PDZD2: variants seen among roughly 807,000 people sequenced by gnomAD.
The protein encoded by PDZD2 is PDZ domain-containing protein 2.
In PDZD2, 90 loss-of-function variants were observed where a neutral mutation model predicts 220.7. That is an observed-to-expected ratio of 0.41 (90% CI 0.34 to 0.49). The LOEUF (loss-of-function observed/expected upper bound fraction) is 0.49, where lower values mean the gene tolerates loss of function less well. Ranked by LOEUF, PDZD2 falls within the 20% of genes least tolerant of loss-of-function variation. PDZD2 has a pLI of 0.28. For synonymous variants in PDZD2, 1,375 were observed against 1,450.5 expected (o/e 0.95, Z 1.18); for missense variants, 3,174 against 3,608.5 (o/e 0.88, Z 3.08).
chr5:31,825,593 T>A (rs774006081), intron 2 of PDZD2, among the ~76,000 whole-genome samples: 70 of 152,208 alleles, frequency 4.6e-4, no homozygotes, highest in Non-Finnish European at 7.5e-4. Flanking sequence ...TGACTCCACA[T>A]CAATGTACAA....
intron 1 of PDZD2, among the ~76,000 whole-genome samples, chr5:31,734,016 C>T (rs1011641222): frequency 4.6e-5 from 7 of 152,294 alleles, no homozygotes; most frequent in African/African-American, 1.4e-4. Context: ...CCCAGGTTTT[C>T]GCCAGTACTT....
At chr5:32,015,010 C>T (rs1475997519) in intron 6 of PDZD2, among the ~76,000 whole-genome samples, 1 of 143,258 alleles carries the variant, frequency 7.0e-6, no homozygotes, top group African/African-American at 2.6e-5. Flanking sequence ...GGCGCAATCT[C>T]GGTTCACTGC....
intron 1 of PDZD2, among the ~76,000 whole-genome samples, chr5:31,721,779 T>A (rs966677192): frequency 3.3e-4 from 50 of 151,526 alleles, no homozygotes; most frequent in Non-Finnish European, 4.1e-4. Context: ...CTTGCAGTTG[T>A]GTTTGGTCAA....
intron 2 of PDZD2, among the ~76,000 whole-genome samples, chr5:31,807,810 TG>T (rs1413632944): frequency 6.6e-6 from 1 of 151,722 alleles, no homozygotes; most frequent in Non-Finnish European, 1.5e-5. Context: ...AGGAGGGGGC[TG>T]GGGGGCTCAG....
intron 1 of PDZD2, chr5:31,665,046 G>A (rs534274154): frequency 1.3e-5 from 2 of 152,344 alleles, no homozygotes. Flanking sequence ...GGGAATATAT[G>A]GAATTGTGGT....
chr5:32,022,416 A>G (rs1282381172), intron 6 of PDZD2, among the ~76,000 whole-genome samples: 2 of 148,790 alleles, frequency 1.3e-5, no homozygotes, highest in Non-Finnish European at 3.0e-5. Flanking sequence ...CATGTTGCCC[A>G]GGCTGATCTC....
At chr5:31,699,223 G>T (rs1402642178) in intron 1 of PDZD2, among the ~76,000 whole-genome samples, 1 of 152,068 alleles carries the variant, frequency 6.6e-6, no homozygotes, top group East Asian at 1.9e-4. Context: ...GGGTACTGGG[G>T]CAGGGAAAAA....
chr5:31,836,558 G>A (rs552762631), intron 2 of PDZD2, among the ~76,000 whole-genome samples: 6 of 152,022 alleles, frequency 3.9e-5, no homozygotes, highest in African/African-American at 9.6e-5. Flanking sequence ...AAAAATCCAT[G>A]ATTTTTACAA....
chr5:31,698,729 CTTATA>C (rs1747485870), intron 1 of PDZD2, among the ~76,000 whole-genome samples: 1 of 152,080 alleles, frequency 6.6e-6, no homozygotes, highest in African/African-American at 2.4e-5. Flanking sequence ...TATTATTTTC[CTTATA>C]TTATAAATGA....
chr5:31,649,154 A>G lies in PDZD2; in HGVS notation c.-361+9717A>G, dbSNP rs542276246. On this transcript the variant is annotated intron_variant, in intron 1 of 24. Transcript: ENST00000438447. ...TGGCCTCCCAGAGTTCTGGGATTAC[A>G]GACATGAGCCACTGTGCCCGGCCAG... Among the ~76,000 whole-genome samples the G allele has an allele frequency of 1.8e-4, 28 of 151,846 alleles. 1 individual carries two copies. Among genetic ancestry groups the G allele is most frequent in the African/African-American group, 6.5e-4 (27 of 41,430 alleles).
intron 6 of PDZD2, among the ~76,000 whole-genome samples, chr5:32,035,054 TTTCTCA>T: frequency 6.6e-6 from 1 of 152,352 alleles, no homozygotes; most frequent in East Asian, 1.9e-4. Flanking sequence ...TCAATGCCCC[TTTCTCA>T]ATTTTGCCTA....
intron 2 of PDZD2, among the ~76,000 whole-genome samples, chr5:31,899,199 A>G (rs866389592): frequency 6.6e-6 from 1 of 151,776 alleles, no homozygotes; most frequent in Non-Finnish European, 1.5e-5. Context: ...TGATCCTGGC[A>G]TGATCACAGC....
chr5:32,030,274 C>T (rs935181278), intron 6 of PDZD2, among the ~76,000 whole-genome samples: 7 of 152,230 alleles, frequency 4.6e-5, no homozygotes, highest in Non-Finnish European at 7.3e-5. Flanking sequence ...AAACACCCTC[C>T]GCAGATTCAT....
intron 6 of PDZD2, among the ~76,000 whole-genome samples, chr5:32,029,860 T>C (rs906339522): frequency 7.2e-5 from 11 of 152,198 alleles, no homozygotes; most frequent in African/African-American, 1.9e-4. Flanking sequence ...GACTCAGTAA[T>C]ATCAAGAAAA....
intron 2 of PDZD2, among the ~76,000 whole-genome samples, chr5:31,942,453 G>A (rs1489199584): frequency 2.0e-5 from 3 of 152,134 alleles, no homozygotes; most frequent in Non-Finnish European, 4.4e-5. Context: ...TGGACCTGGA[G>A]ACATGGCTCT....
chr5:32,096,290 C>T (rs905856462), intron 21 of PDZD2, among the ~76,000 whole-genome samples: 3 of 152,010 alleles, frequency 2.0e-5, no homozygotes, highest in African/African-American at 4.8e-5. Flanking sequence ...AAAAGTTCTG[C>T]GGGACAGTCT....
At chr5:32,003,527 C>T (rs1049327414) in intron 5 of PDZD2, among the ~76,000 whole-genome samples, 8 of 144,260 alleles carry the variant, frequency 5.5e-5, no homozygotes, top group South Asian at 2.3e-4. Flanking sequence ...TACACACACA[C>T]GCACACACAC....
intron 13 of PDZD2, among the ~76,000 whole-genome samples, chr5:32,060,646 G>A (rs1205709378): frequency 6.6e-6 from 1 of 152,064 alleles, no homozygotes; most frequent in Non-Finnish European, 1.5e-5. Context: ...CTGCACAATG[G>A]GAATAATTTT....
chr5:32,095,971 C>T (rs184922679), intron 21 of PDZD2, among the ~76,000 whole-genome samples: 2 of 150,920 alleles, frequency 1.3e-5, no homozygotes, highest in East Asian at 2.0e-4. Flanking sequence ...GCTCCATCTC[C>T]TGACCATGTG....
Sources: gnomAD v4.1 joint callset for allele counts (sites outside exome capture counted in the v4.1 genomes callset) on GRCh38, gnomAD v4.1.1 for gene constraint, MANE v1.5 for transcripts, NCBI Gene and HGNC (gene_info 2026-07-23, HGNC 2026-07-21) for gene names.